GRAMD4: variants seen among roughly 807,000 people sequenced by gnomAD.
GRAMD4 encodes the protein GRAM domain containing 4.
A neutral mutation model predicts 83.9 loss-of-function variants in GRAMD4; 25 were observed. That is an observed-to-expected ratio of 0.30 (90% CI 0.22 to 0.42). GRAMD4 has a LOEUF of 0.42. GRAMD4 is among the 10% of genes least tolerant of loss of function. The pLI, the probability that GRAMD4 is intolerant of heterozygous loss-of-function variation, is 1.00. For missense variants in GRAMD4, 593 were observed against 788.7 expected, an observed-to-expected ratio of 0.75 and a Z score of 2.97; for synonymous variants, 336 against 320.9, an observed-to-expected ratio of 1.05 and a Z score of -0.50.
chr22:46,641,820 C>T (rs960421821), intron 3 of GRAMD4, among the ~76,000 whole-genome samples: 2 of 152,260 alleles, frequency 1.3e-5, no homozygotes, highest in African/African-American at 4.8e-5. Context: ...GCTATTCTCT[C>T]TCCATTTGTT....
chr22:46,626,378 C>T (rs1033379943), intron 1 of GRAMD4, among the ~76,000 whole-genome samples: 1 of 152,066 alleles, frequency 6.6e-6, no homozygotes, highest in Non-Finnish European at 1.5e-5. Flanking sequence ...CGCGCCGCCT[C>T]GCCGAGCCAG....
intron 3 of GRAMD4, among the ~76,000 whole-genome samples, chr22:46,645,549 G>A (rs1034002430): frequency 1.3e-5 from 2 of 152,194 alleles, no homozygotes; most frequent in Non-Finnish European, 2.9e-5. Context: ...CAGCTAAGTG[G>A]TCAGTGTTAA....
rs994412283 is a variant in GRAMD4 at position 46,678,731 on chromosome 22, G to T, written c.*1480G>T. 5.1e-6 allele frequency: 5 copies of T among 985,636 alleles called. No individual in the cohort carries two copies. The highest frequency in any genetic ancestry group is 6.0e-6 in the Non-Finnish European group (5 of 829,960). 61.1% of individuals were successfully genotyped at this position (985,636 alleles called of 1,614,324 possible). A position where few individuals can be genotyped will look rare whatever the true frequency, so the allele number is the denominator to read the frequency against. ...CAGATGTAATTTTTATCTTTGCTCC[G>T]ATCCTCATTTGCTGGTGTGGGTGAG... On this transcript the variant is annotated 3_prime_UTR_variant, in exon 19 of 19. Transcript: ENST00000406902.
intron 1 of GRAMD4, among the ~76,000 whole-genome samples, chr22:46,615,238 C>T (rs552345789): frequency 9.4e-5 from 1 of 10,588 alleles, no homozygotes; most frequent in Admixed American, 1.2e-3. Context: ...TTCCCTTGTG[C>T]ATGTAGGTTC....
chr22:46,582,249 C>CAGG (rs1417051577), intron 1 of GRAMD4, among the ~76,000 whole-genome samples: 21 of 152,262 alleles, frequency 1.4e-4, no homozygotes, highest in Non-Finnish European at 2.9e-4. Flanking sequence ...CCCTGGGGAA[C>CAGG]AGGAGGGACA....
chr22:46,665,516 T>A, intron 8 of GRAMD4, 99 bp from the exon 9 acceptor site: 1 of 663,354 alleles, frequency 1.5e-6, no homozygotes, highest in Non-Finnish European at 2.7e-6. Flanking sequence ...GGTGGCCTGG[T>A]CTCCCCACTG....
Position 46,672,791 on chromosome 22 carries a change from C to A in GRAMD4, c.1085-52C>A, listed in dbSNP as rs373243588. 5.4e-5 allele frequency: 79 copies of A among 1,466,934 alleles called. No homozygotes were observed. The highest frequency in any genetic ancestry group is 7.3e-5 in the Non-Finnish European group (77 of 1,059,886). The allele number at this position is 1,466,934 out of a possible 1,614,324, so 90.9% of individuals were successfully genotyped here. A position where few individuals can be genotyped will look rare whatever the true frequency, so the allele number is the denominator to read the frequency against. On this transcript the variant is annotated intron_variant, in intron 13 of 18. Transcript: ENST00000406902. The surrounding 1 kb of genome is among the most constrained non-coding windows in gnomAD (Gnocchi z 4.7). Reference sequence around the variant, plus strand: ...TGCCGGAACCATCACCCTGAGTAGACTGGCATAGCTGCAGAGCTCTAGATG... The same window carrying A: ...TGCCGGAACCATCACCCTGAGTAGAATGGCATAGCTGCAGAGCTCTAGATG...
upstream of GRAMD4, among the ~76,000 whole-genome samples, chr22:46,616,257 CGT>C (rs2081491003): frequency 3.9e-5 from 1 of 25,610 alleles, no homozygotes. Context: ...TTCCCCCGTG[CGT>C]GTAGGTTCCC....
At chr22:46,576,965 C>T (rs1321184246), upstream of GRAMD4, among the ~76,000 whole-genome samples, 1 of 145,234 alleles carries the variant, frequency 6.9e-6, no homozygotes, top group African/African-American at 2.5e-5. Flanking sequence ...GGCAGGCGCG[C>T]CCCCGCGGAC....
At chr22:46,657,227 G>A (rs995033141) in intron 3 of GRAMD4, among the ~76,000 whole-genome samples, 9 of 152,186 alleles carry the variant, frequency 5.9e-5, no homozygotes, top group Admixed American at 3.3e-4. Flanking sequence ...AAGGACCGAG[G>A]ACCTGTGGGC....
In GRAMD4 at chr22:46,679,593, C is replaced by T. The variant is rs1270751224; in HGVS notation, c.*2342C>T. The T allele has an allele frequency of 3.0e-6, 3 of 983,616 alleles. No homozygotes were observed. The African/African-American group carries it at 5.2e-5, about 17-fold the overall frequency. The allele number at this position is 983,616 out of a possible 1,614,324, so 60.9% of individuals were successfully genotyped here. ...ATGTTAAATTTTTTATGTCTGAAGCCTGAGTCTATTTTGGATCTGTAAATA... is the reference window on the plus strand; with the variant it reads ...ATGTTAAATTTTTTATGTCTGAAGCTTGAGTCTATTTTGGATCTGTAAATA... On this transcript the variant is annotated 3_prime_UTR_variant, in exon 19 of 19. Transcript: ENST00000406902.
chr22:46,615,459 G>T (rs1359770967), upstream of GRAMD4, among the ~76,000 whole-genome samples: 1 of 144,630 alleles, frequency 6.9e-6, no homozygotes, highest in African/African-American at 2.6e-5. Context: ...CGGTTTCCCC[G>T]TGTGTAGGTT....
At chr22:46,624,562 G>A (rs576992090) in intron 1 of GRAMD4, among the ~76,000 whole-genome samples, 1 of 152,228 alleles carries the variant, frequency 6.6e-6, no homozygotes, top group South Asian at 2.1e-4. Context: ...TCCTGCCCTC[G>A]TGATCCGCCT....
At position 46,612,894 on chromosome 22, in the gene GRAMD4, G is replaced by A. The variant is rs114913525; in HGVS notation, c.-49-13857G>A. 1.5e-3 allele frequency among the ~76,000 whole-genome samples: 235 copies of A among 152,312 alleles called. 1 individual carries two copies. The highest frequency in any genetic ancestry group is 5.3e-3 in the African/African-American group (222 of 41,560). On this transcript the variant is annotated intron_variant, in intron 1 of 1. Coordinates refer to the GRAMD4 transcript ENST00000431155. ...GGCTGAAGTGCTGTTTGTGTTCTGT[G>A]TGCCATGGTTCTCTCCTGTGGCTGC...
At chr22:46,595,029 G>A (rs925651650) in intron 1 of GRAMD4, among the ~76,000 whole-genome samples, 8 of 152,128 alleles carry the variant, frequency 5.3e-5, no homozygotes, top group African/African-American at 1.9e-4. Context: ...TGTCGTTCCC[G>A]CCTCCTGTGG....
At chr22:46,643,088 C>T (rs2081999949) in intron 3 of GRAMD4, among the ~76,000 whole-genome samples, 1 of 84,814 alleles carries the variant, frequency 1.2e-5, no homozygotes, top group Non-Finnish European at 2.8e-5. Context: ...TCCATTTATC[C>T]ATCCATCCAT....
At chr22:46,656,363 G>A (rs1011961242) in intron 3 of GRAMD4, among the ~76,000 whole-genome samples, 7 of 152,208 alleles carry the variant, frequency 4.6e-5, no homozygotes, top group African/African-American at 1.4e-4. Flanking sequence ...TGTGGCTGCC[G>A]GGCAGGAAGG....
At position 46,650,495 on chromosome 22, in the gene GRAMD4, G is replaced by A. The variant is rs371349581; in HGVS notation, c.284-7692G>A. ...ACAGTCTGGGCCTGTGTAGGCCTGA[G>A]CCGATGCATCTCCTTTGCCTCCCCT... On this transcript the variant is annotated intron_variant, in intron 3 of 18. Transcript: ENST00000406902. Among the ~76,000 whole-genome samples, 193 of 152,300 alleles carry A rather than the reference G, an allele frequency of 1.3e-3. 1 individual carries two copies. The highest frequency in any genetic ancestry group is 5.0e-3 in the Admixed American group (76 of 15,294).
At chr22:46,626,625 G>T in intron 1 of GRAMD4, 126 bp from the exon 2 acceptor site, 1 of 571,012 alleles carries the variant, frequency 1.8e-6, no homozygotes. Context: ...AGGGACGGTG[G>T]CAGGGCGGGG....
Sources: gnomAD v4.1 joint callset for allele counts (sites outside exome capture counted in the v4.1 genomes callset) on GRCh38, gnomAD v4.1.1 for gene constraint, Gnocchi (gnomAD v3.1) non-coding constraint, MANE v1.5 for transcripts, NCBI Gene and HGNC (gene_info 2026-07-23, HGNC 2026-07-21) for gene names.